Variants in ODR4 observed in about 807,000 individuals in gnomAD.
The protein encoded by ODR4 is odr-4 GPCR localization factor homolog.
Under a neutral mutation model 60.2 loss-of-function variants are expected in ODR4, and 47 were observed. The ratio of observed to expected loss-of-function variants is 0.78; its 90% CI spans 0.62 to 1.00. The LOEUF (loss-of-function observed/expected upper bound fraction) is 1.00. ODR4 is among the 50% of genes least tolerant of loss of function. The pLI, the probability that ODR4 is intolerant of heterozygous loss-of-function variation, is 0.00. For missense variants in ODR4, 488 were observed against 530.8 expected, an observed-to-expected ratio of 0.92 and a Z score of 0.79; for synonymous variants, 178 against 175.5, an observed-to-expected ratio of 1.01 and a Z score of -0.11.
intron 3 of ODR4, among the ~76,000 whole-genome samples, chr1:186,384,488 A>G (rs1301588496): frequency 6.6e-6 from 1 of 151,872 alleles, no homozygotes; most frequent in African/African-American, 2.4e-5. Context: ...AGAAAATATT[A>G]AGTAATGTAA....
chr1:186,395,163 C>T (rs1258105291), intron 9 of ODR4, among the ~76,000 whole-genome samples: 3 of 152,092 alleles, frequency 2.0e-5, no homozygotes, highest in African/African-American at 7.2e-5. Context: ...GGTGCGATCT[C>T]GGCTCACTGC....
At chr1:186,412,103 A>G (rs934745332) in intron 12 of ODR4, among the ~76,000 whole-genome samples, 14 of 152,188 alleles carry the variant, frequency 9.2e-5, no homozygotes, top group Admixed American at 8.5e-4. Context: ...ATTATGTATT[A>G]GGATTCTACA....
intron 1 of ODR4, among the ~76,000 whole-genome samples, chr1:186,376,840 T>C (rs1263557626): frequency 6.6e-6 from 1 of 152,178 alleles, no homozygotes; most frequent in Non-Finnish European, 1.5e-5. Context: ...ATTAGATAGG[T>C]TTTCAGATCT....
chr1:186,409,738 G>A (rs939918785), intron 12 of ODR4, among the ~76,000 whole-genome samples: 2 of 152,190 alleles, frequency 1.3e-5, no homozygotes, highest in African/African-American at 4.8e-5. Context: ...TAGAGATGGG[G>A]TTTCAGCATG....
intron 4 of ODR4, among the ~76,000 whole-genome samples, chr1:186,387,945 G>T (rs373344987): frequency 6.6e-6 from 1 of 151,972 alleles, no homozygotes; most frequent in Admixed American, 6.6e-5. Context: ...CTTGTGTGAC[G>T]TTTAAATAAG....
intron 4 of ODR4, among the ~76,000 whole-genome samples, chr1:186,386,403 T>C (rs1331928631): frequency 6.6e-6 from 1 of 152,156 alleles, no homozygotes; most frequent in African/African-American, 2.4e-5. Flanking sequence ...TATTCTTTCC[T>C]CAAGTTAAAA....
At chr1:186,412,611 C>T (rs1393529292) in intron 12 of ODR4, among the ~76,000 whole-genome samples, 2 of 152,154 alleles carry the variant, frequency 1.3e-5, no homozygotes, top group South Asian at 2.1e-4. Context: ...TTTACATAAA[C>T]ATCCTATTTT....
At chr1:186,422,159 TA>T (rs1270525951), downstream of ODR4, among the ~76,000 whole-genome samples, 2 of 151,934 alleles carry the variant, frequency 1.3e-5, no homozygotes, top group Non-Finnish European at 2.9e-5. Flanking sequence ...AAATTTTTTT[TA>T]AATGAAGTAG....
At chr1:186,407,197 A>C (rs1661204786) in intron 12 of ODR4, among the ~76,000 whole-genome samples, 1 of 152,134 alleles carries the variant, frequency 6.6e-6, no homozygotes, top group Non-Finnish European at 1.5e-5. Context: ...TGTTAAAATA[A>C]AGAAGAGCTA....
downstream of ODR4, among the ~76,000 whole-genome samples, chr1:186,423,200 C>T (rs77879967): frequency 0.055 from 8,442 of 152,138 alleles, 359 homozygotes; most frequent in Non-Finnish European, 0.085. Flanking sequence ...TTTATACAAG[C>T]TCTTTCAAAA....
downstream of ODR4, among the ~76,000 whole-genome samples, chr1:186,426,242 G>T (rs1440866839): frequency 6.6e-6 from 1 of 152,116 alleles, no homozygotes; most frequent in South Asian, 2.1e-4. Context: ...GTTATCTTTT[G>T]CTCCACAACA....
chr1:186,432,139 C>G, the ODR4 span, among the ~76,000 whole-genome samples: 1 of 152,212 alleles, frequency 6.6e-6, no homozygotes, highest in East Asian at 1.9e-4. Context: ...GTATTGATGC[C>G]AGCAACTAAA....
chr1:186,386,832 A>T (rs547389887), intron 4 of ODR4, among the ~76,000 whole-genome samples: 182 of 152,276 alleles, frequency 1.2e-3, no homozygotes, highest in African/African-American at 4.0e-3. Context: ...AAACAATCAG[A>T]TTATTCCTGG....
intron 1 of ODR4, among the ~76,000 whole-genome samples, chr1:186,377,634 A>T (rs1398459525): frequency 6.6e-6 from 1 of 152,252 alleles, no homozygotes; most frequent in African/African-American, 2.4e-5. Context: ...TTAAGGCATT[A>T]CTAAAAGGTA....
intron 12 of ODR4, 76 bp downstream of exon 12, chr1:186,406,344 A>G (rs1194552700): frequency 2.7e-6 from 3 of 1,121,454 alleles, no homozygotes; most frequent in Non-Finnish European, 3.7e-6. Flanking sequence ...TAGTTTAAAT[A>G]TCATGTCTTT....
rs576830099 is a variant in ODR4 at position 186,383,106 on chromosome 1, G to T, written c.184G>T (p.Ala62Ser). 1.9e-6 allele frequency: 3 copies of T among 1,560,932 alleles called. No homozygotes were observed. Among genetic ancestry groups the T allele is most frequent in the Non-Finnish European group, 2.6e-6 (3 of 1,151,716 alleles). ...AAGTGAGAACCTCAAACATCCCAAA[G>T]CTAAGTTGGATAACTTGGATGAAGA... ...EQSENLKHPKAKLDNLDEEWA... is the reference protein window; with the variant it reads ...EQSENLKHPKSKLDNLDEEWA... The change falls in exon 3 of 14, where the codon GCT becomes TCT. Residue 62 changes from alanine to serine, a missense_variant. Ala to Ser is a moderately conservative substitution (Grantham distance 99, BLOSUM62 1). Transcript: ENST00000287859.
At position 186,419,075 on chromosome 1, in the gene ODR4, A is replaced by G. The variant is rs1412956866; in HGVS notation, c.1364A>G (p.Ter455TrpextTer8). The change falls in exon 14 of 14, where the codon TAG becomes TGG. Residue 455 changes from the stop codon to tryptophan (W), a stop_lost. Coordinates refer to ENST00000287859, the MANE Select transcript of ODR4 (RefSeq NM_017847.6). ...ATCTCCTTTCATTACTTCAGTGATT[A>G]GGGTGAGGCACAAAGAGTTTCTTGA... ...AGISFHYFSD* is the reference protein window; with the variant it reads ...AGISFHYFSDW 5 of 1,608,810 alleles carry G rather than the reference A, an allele frequency of 3.1e-6. No individual in the cohort carries two copies. In the African/African-American group the frequency reaches 4.0e-5, roughly 13 times the overall value.
rs1312642462 is a variant in ODR4 at position 186,421,097 on chromosome 1, G to C, written c.*2021G>C. On this transcript the variant is annotated 3_prime_UTR_variant, in exon 14 of 14. Transcript: ENST00000287859. ...GGTAGAATTCTGAGAAAAACTATTA[G>C]CTTAGAATTTGCAACAAGCGAAACT... is the stretch of plus-strand genomic sequence containing the variant. The C allele has an allele frequency of 6.6e-6, 1 of 152,128 alleles. No homozygotes were observed. The allele number at this position is 152,128 out of a possible 1,614,324, so 9.4% of individuals were successfully genotyped here.
Position 186,406,075 on chromosome 1 carries a change from C to T in ODR4, c.1001-8C>T. ...TCTAAATATTGATAATATTTCTTTT[C>T]CTTTTAGATTCTGAAAAAGAGTTCC... On this transcript the variant is annotated splice_region_variant and splice_polypyrimidine_tract_variant and intron_variant, in intron 11 of 13. Coordinates refer to ENST00000287859, the MANE Select transcript of ODR4 (RefSeq NM_017847.6). The T allele has an allele frequency of 6.5e-7, 1 of 1,535,236 alleles. No homozygotes were observed. Among genetic ancestry groups the T allele is most frequent in the Non-Finnish European group, 8.8e-7 (1 of 1,139,658 alleles).
Sources: gnomAD v4.1 joint callset for allele counts (sites outside exome capture counted in the v4.1 genomes callset) on GRCh38, gnomAD v4.1.1 for gene constraint, MANE v1.5 for transcripts, NCBI Gene and HGNC (gene_info 2026-07-23, HGNC 2026-07-21) for gene names.